The following PRDX2 variants were observed in gnomAD, a reference collection of about 807,000 sequenced individuals.
PRDX2 encodes peroxiredoxin-2.
In PRDX2, 10 loss-of-function variants were observed where a neutral mutation model predicts 19.8. The ratio of observed to expected loss-of-function variants is 0.50; its 90% confidence interval spans 0.31 to 0.86. The LOEUF is 0.86. PRDX2 is among the 40% of genes least tolerant of loss of function. The probability of loss-of-function intolerance (pLI) is 0.04; values close to 1 mark genes in which losing one functional copy is unlikely to be tolerated. For missense variants in PRDX2, 226 were observed against 260.1 expected, an observed-to-expected ratio of 0.87 and a Z score of 0.90; for synonymous variants, 118 against 108.2, an observed-to-expected ratio of 1.09 and a Z score of -0.56.
Position 12,801,751 on chromosome 19 carries a change from A to G in PRDX2, c.-21T>C. 3.1e-6 allele frequency: 1 copy of G among 317,836 alleles called. No homozygotes were observed. Among genetic ancestry groups the G allele is most frequent in the Non-Finnish European group, 5.8e-6 (1 of 173,260 alleles). The allele number at this position is 317,836 out of a possible 1,614,324, so 19.7% of individuals were successfully genotyped here. On this transcript the variant is annotated 5_prime_UTR_variant, in exon 1 of 6. Coordinates refer to ENST00000301522, the MANE Select transcript of PRDX2 (RefSeq NM_005809.6). ...CCGGGTGTTCATACCTGCGTGGGCA[A>G]AGGCTAGACGCACGGACGATCACAC...
intron 5 of PRDX2, among the ~76,000 whole-genome samples, chr19:12,797,656 C>CTTTTTTTTTTTTTTTTTTT (rs1555733212): frequency 3.5e-5 from 4 of 113,062 alleles, no homozygotes; most frequent in Non-Finnish European, 5.4e-5. Flanking sequence ...TTCTTTCTTT[C>CTTTTTTTTTTTTTTTTTTT]TTTTTTTTTT....
intron 2 of PRDX2, 36 bp from the exon 3 acceptor site, chr19:12,801,105 C>T (rs755862691): frequency 6.2e-7 from 1 of 1,613,064 alleles, no homozygotes; most frequent in Admixed American, 1.7e-5. Flanking sequence ...TAGGGCCCAG[C>T]TTCTCTCATG....
At position 12,800,218 on chromosome 19, in the gene PRDX2, C is replaced by T. The variant is rs1244039656; in HGVS notation, c.339G>A (p.Glu113=). The part of the protein sequence containing the change: ...LLADVTRRLS[E]DYGVLKTDEG... ...CATCTGTTTTCAGCACGCCGTAATC[C>T]TCAGACAAGCGTCTGGTCACGTCAG... The change falls in exon 4 of 6, where the codon GAG becomes GAA. Residue 113 remains glutamate, a synonymous_variant. Transcript: ENST00000301522. 6 of 1,613,950 alleles carry T rather than the reference C, an allele frequency of 3.7e-6. No individual in the cohort carries two copies. Among genetic ancestry groups the T allele is most frequent in the South Asian group, 1.1e-5 (1 of 91,078 alleles).
At chr19:12,799,796 A>G in intron 5 of PRDX2, 63 bp downstream of exon 5, 2 of 1,580,376 alleles carry the variant, frequency 1.3e-6, no homozygotes, top group South Asian at 2.3e-5. Flanking sequence ...CAGGCAGTGA[A>G]TGTTTGCATG....
intron 3 of PRDX2, chr19:12,800,576 ATCC>A: frequency 4.2e-6 from 4 of 950,832 alleles, no homozygotes; most frequent in Non-Finnish European, 6.0e-6. Context: ...AAGAGTCCCC[ATCC>A]TCCTCTAGCT....
At chr19:12,798,692 TAAA>T (rs563105953) in intron 5 of PRDX2, among the ~76,000 whole-genome samples, 1 of 124,934 alleles carries the variant, frequency 8.0e-6, no homozygotes, top group East Asian at 2.2e-4. Flanking sequence ...CCCCATCTCT[TAAA>T]AAAAAAAAAA....
rs1968883839 is a variant in PRDX2 at position 12,800,985 on chromosome 19, T to A, written c.188A>T (p.Glu63Val). Residue 63 changes from glutamate (E) to valine (V), a missense_variant, in exon 3 of 6, where the codon GAG becomes GTG. Transcript: ENST00000301522. The part of the protein sequence containing the change: ...TEIIAFSNRA[E>V]DFRKLGCEVL... ...TTCACAGCCCAGCTTGCGGAAGTCCTCTGCACGGTTGCTGAACGCGATGAT... is the reference window on the plus strand; with the variant it reads ...TTCACAGCCCAGCTTGCGGAAGTCCACTGCACGGTTGCTGAACGCGATGAT... 7 of 1,611,868 alleles carry A rather than the reference T, an allele frequency of 4.3e-6. No individual in the cohort carries two copies. The highest frequency in any genetic ancestry group is 5.9e-6 in the Non-Finnish European group (7 of 1,179,784).
rs546234533 is a variant in PRDX2 at position 12,801,796 on chromosome 19, G to C, written c.-66C>G. The stretch of plus-strand genomic sequence containing the variant: ...TCACACGCGTGGACCCGCGTTCTCA[G>C]CGCCAAGTGAGCCCTGGGCCGCGAA... On this transcript the variant is annotated 5_prime_UTR_variant, in exon 1 of 6. Transcript: ENST00000301522. 2.9e-6 allele frequency: 1 copy of C among 347,992 alleles called. No individual in the cohort carries two copies. Among genetic ancestry groups the C allele is most frequent in the Admixed American group, 4.5e-5 (1 of 22,076 alleles). 21.6% of individuals were successfully genotyped at this position (347,992 alleles called of 1,614,324 possible). A position where few individuals can be genotyped will look rare whatever the true frequency, so the allele number is the denominator to read the frequency against.
rs563556496 is a variant in PRDX2 at position 12,800,357 on chromosome 19, A to G, written c.258-58T>C. The G allele has an allele frequency of 2.6e-5, 41 of 1,576,560 alleles. 1 individual carries two copies. The African/African-American group carries it at 4.3e-4, about 17-fold the overall frequency. On this transcript the variant is annotated intron_variant, in intron 3 of 5. Coordinates refer to ENST00000301522, the MANE Select transcript of PRDX2 (RefSeq NM_005809.6). ...GGATGCCTGGCACAGCAGGGTCCTC[A>G]CCCTGTGGGCCCAATGTGATAAGCA...
chr19:12,797,656 C>CTTTTTTTTTTTTTT (rs1555733212), intron 5 of PRDX2, among the ~76,000 whole-genome samples: 5 of 113,060 alleles, frequency 4.4e-5, no homozygotes, highest in Non-Finnish European at 5.4e-5. Flanking sequence ...TTCTTTCTTT[C>CTTTTTTTTTTTTTT]TTTTTTTTTT....
chr19:12,800,195 T>C lies in PRDX2; in HGVS notation c.362A>G (p.Asp121Gly). ...LSEDYGVLKT[D>G]EGIAYRGLFI... ...ACAGTACCTGTAGGCAATGCCCTCA[T>C]CTGTTTTCAGCACGCCGTAATCCTC... The change falls in exon 4 of 6, where the codon GAT becomes GGT. Residue 121 changes from aspartate (D) to glycine (G), a missense_variant. Transcript: ENST00000301522. The C allele has an allele frequency of 2.5e-6, 4 of 1,613,840 alleles. No individual in the cohort carries two copies. The highest frequency in any genetic ancestry group is 3.4e-6 in the Non-Finnish European group (4 of 1,179,964).
At chr19:12,800,557 G>T in intron 3 of PRDX2, 1 of 838,718 alleles carries the variant, frequency 1.2e-6, no homozygotes, top group Non-Finnish European at 1.8e-6. Context: ...CCAGCAGAGA[G>T]CCTGTGTTAA....
chr19:12,801,577 C>A (rs574521441), intron 1 of PRDX2, among the ~76,000 whole-genome samples, 163 bp downstream of exon 1: 1 of 152,328 alleles, frequency 6.6e-6, no homozygotes, highest in East Asian at 1.9e-4. Context: ...GGAAGTCGGG[C>A]GATCAGGCCT....
rs375240541 is a variant in PRDX2, at chr19:12,801,123, C to T, written c.103+36G>A. On this transcript the variant is annotated intron_variant, in intron 2 of 5. Transcript: ENST00000301522. The stretch of plus-strand genomic sequence containing the variant: ...GGCCCAGCTTCTCTCATGCACGGCC[C>T]CGCTTCTACCTGGGCCCCCTCCGGG... 1.9e-6 allele frequency: 3 copies of T among 1,613,794 alleles called. No homozygotes were observed. The African/African-American group carries it at 4.0e-5, about 22-fold the overall frequency.
At position 12,800,231 on chromosome 19, in the gene PRDX2, C is replaced by G; in HGVS notation, c.326G>C (p.Arg109Thr). 6.2e-7 allele frequency: 1 copy of G among 1,613,934 alleles called. No individual in the cohort carries two copies. Among genetic ancestry groups the G allele is most frequent in the South Asian group, 1.1e-5 (1 of 91,082 alleles). ...LNIPLLADVT[R>T]RLSEDYGVLK... Reference sequence around the variant, plus strand: ...CACGCCGTAATCCTCAGACAAGCGTCTGGTCACGTCAGCAAGCAGGGGGAT... The same window carrying G: ...CACGCCGTAATCCTCAGACAAGCGTGTGGTCACGTCAGCAAGCAGGGGGAT... The change falls in exon 4 of 6, where the codon AGA (arginine) becomes ACA (threonine). Residue 109 changes from arginine (R) to threonine (T), a missense_variant. Coordinates refer to ENST00000301522, the MANE Select transcript of PRDX2 (RefSeq NM_005809.6).
intron 5 of PRDX2, among the ~76,000 whole-genome samples, chr19:12,797,627 C>CT (rs1326693442): frequency 1.4e-5 from 2 of 143,652 alleles, no homozygotes; most frequent in East Asian, 4.1e-4. Flanking sequence ...AGTATTTTCT[C>CT]TTTTTCTTTT....
intron 5 of PRDX2, 55 bp downstream of exon 5, chr19:12,799,804 A>G: frequency 6.3e-7 from 1 of 1,588,000 alleles, no homozygotes; most frequent in Non-Finnish European, 8.6e-7. Context: ...GAATGTTTGC[A>G]TGAGTGACGG....
chr19:12,800,160 T>A lies in PRDX2; in HGVS notation c.380+17A>T, dbSNP rs1464632344. 1.9e-6 allele frequency: 3 copies of A among 1,612,146 alleles called. No individual in the cohort carries two copies. The highest frequency in any genetic ancestry group is 2.5e-6 in the Non-Finnish European group (3 of 1,178,916). On this transcript the variant is annotated intron_variant, in intron 4 of 5. Transcript: ENST00000301522. ...GGGCAGGGCGCTCCCTGAGCCGGGC[T>A]GAGGGTCCCACAGTACCTGTAGGCA...
At position 12,800,904 on chromosome 19, in the gene PRDX2, CCCTGCTCATA is replaced by C; in HGVS notation, c.257+2_257+11del. 6.2e-7 allele frequency: 1 copy of C among 1,601,258 alleles called. No individual in the cohort carries two copies. Among genetic ancestry groups the C allele is most frequent in the Non-Finnish European group, 8.5e-7 (1 of 1,174,036 alleles). On this transcript the variant is annotated splice_donor_variant and splice_donor_5th_base_variant and intron_variant, in intron 3 of 5. Coordinates refer to ENST00000301522, the MANE Select transcript of PRDX2 (RefSeq NM_005809.6). LOFTEE classifies it high-confidence loss of function. ...CTTAGCTGCAACCTCCCTCTTTGGC[CCCTGCTCATA>C]CCAAGCCAGGTGGGTGAACTGAGAG...
Sources: gnomAD v4.1 joint callset for allele counts (sites outside exome capture counted in the v4.1 genomes callset) on GRCh38, gnomAD v4.1.1 for gene constraint, MANE v1.5 for transcripts, NCBI Gene and HGNC (gene_info 2026-07-23, HGNC 2026-07-21) for gene names.